ADAM10: variants seen among roughly 807,000 people sequenced by gnomAD.
ADAM10 encodes the protein disintegrin and metalloproteinase domain-containing protein 10.
In ADAM10, 17 loss-of-function variants were observed where a neutral mutation model predicts 90.1. The ratio of observed to expected loss-of-function variants is 0.19; its 90% CI spans 0.13 to 0.28. The LOEUF is 0.28. Ranked by LOEUF, ADAM10 falls within the 10% of genes least tolerant of loss-of-function variation. The probability of loss-of-function intolerance (pLI) is 1.00; values close to 1 mark genes in which losing one functional copy is unlikely to be tolerated. For synonymous variants in ADAM10, 310 were observed against 298.6 expected, an observed-to-expected ratio of 1.04 and a Z score of -0.40; for missense variants, 610 against 914.3, an observed-to-expected ratio of 0.67 and a Z score of 4.29.
intron 2 of ADAM10, among the ~76,000 whole-genome samples, chr15:58,701,169 A>G (rs558000236): frequency 2.6e-5 from 4 of 152,238 alleles, no homozygotes; most frequent in African/African-American, 9.6e-5. Flanking sequence ...AGCCTGTTGA[A>G]TAGAAGAAAA....
intron 4 of ADAM10, among the ~76,000 whole-genome samples, chr15:58,673,415 T>C (rs563450519): frequency 7.8e-4 from 117 of 150,364 alleles, no homozygotes; most frequent in Admixed American, 1.9e-3. Context: ...GCTGCAGCTG[T>C]TTTTTTGACA....
intron 1 of ADAM10, among the ~76,000 whole-genome samples, chr15:58,730,048 A>G (rs1231747534): frequency 5.3e-5 from 8 of 152,208 alleles, no homozygotes; most frequent in Admixed American, 6.5e-5. Context: ...CACATTAGGA[A>G]ATCGTAAGCA....
At chr15:58,673,404 AG>A (rs1897242295) in intron 4 of ADAM10, among the ~76,000 whole-genome samples, 1 of 150,976 alleles carries the variant, frequency 6.6e-6, no homozygotes, top group African/African-American at 2.4e-5. Context: ...AAAAAAAAAA[AG>A]CTGCAGCTGT....
chr15:58,726,069 T>G (rs1397085789), intron 1 of ADAM10, among the ~76,000 whole-genome samples: 2 of 152,140 alleles, frequency 1.3e-5, no homozygotes, highest in Non-Finnish European at 2.9e-5. Context: ...AGCGAATACA[T>G]TTTTTAAACA....
intron 7 of ADAM10, among the ~76,000 whole-genome samples, chr15:58,642,603 G>A (rs1302146618): frequency 1.1e-4 from 17 of 152,042 alleles, no homozygotes; most frequent in African/African-American, 2.9e-4. Flanking sequence ...TTAATAAGAG[G>A]TAAGGTCTAA....
chr15:58,705,926 T>A, intron 2 of ADAM10, among the ~76,000 whole-genome samples: 1 of 152,228 alleles, frequency 6.6e-6, no homozygotes, highest in Non-Finnish European at 1.5e-5. Context: ...CTGTACCTAA[T>A]TTGTAAACTG....
intron 11 of ADAM10, among the ~76,000 whole-genome samples, chr15:58,619,335 G>A (rs150626303): frequency 3.9e-5 from 6 of 152,310 alleles, no homozygotes; most frequent in Non-Finnish European, 8.8e-5. Context: ...GAGAAGGGTA[G>A]TGGAGAGGTG....
intron 1 of ADAM10, among the ~76,000 whole-genome samples, chr15:58,719,375 C>T (rs1271903358): frequency 6.6e-6 from 1 of 151,878 alleles, no homozygotes. Flanking sequence ...TCCTTGTTTC[C>T]TTTCATGCAG....
At chr15:58,615,278 A>C (rs1349390470) in intron 11 of ADAM10, among the ~76,000 whole-genome samples, 2 of 44,202 alleles carry the variant, frequency 4.5e-5, no homozygotes, top group Non-Finnish European at 3.4e-5. Context: ...CGTCTGAAGA[A>C]AAAAAAAAAA....
At chr15:58,721,288 T>C (rs374743734) in intron 1 of ADAM10, among the ~76,000 whole-genome samples, 64 of 152,312 alleles carry the variant, frequency 4.2e-4, no homozygotes, top group African/African-American at 1.4e-3. Flanking sequence ...ACATGATTCA[T>C]AGGGTTTAAT....
intron 10 of ADAM10, among the ~76,000 whole-genome samples, chr15:58,627,017 T>G (rs1169871807): frequency 1.3e-5 from 2 of 152,194 alleles, no homozygotes; most frequent in Admixed American, 1.3e-4. Flanking sequence ...CATAGTAACT[T>G]TATTCACATT....
chr15:58,665,743 G>A (rs1897066254), intron 4 of ADAM10, among the ~76,000 whole-genome samples: 1 of 151,924 alleles, frequency 6.6e-6, no homozygotes, highest in Non-Finnish European at 1.5e-5. Flanking sequence ...TTACGTGACT[G>A]TATCACTGAC....
At chr15:58,680,057 C>T (rs1897387007) in intron 3 of ADAM10, among the ~76,000 whole-genome samples, 1 of 152,106 alleles carries the variant, frequency 6.6e-6, no homozygotes, top group Non-Finnish European at 1.5e-5. Flanking sequence ...CCTTTTCCAT[C>T]CGATATATTG....
intron 14 of ADAM10, among the ~76,000 whole-genome samples, chr15:58,600,497 T>A (rs1438104359): frequency 2.6e-5 from 4 of 152,110 alleles, no homozygotes; most frequent in Admixed American, 1.3e-4. Context: ...ACATTATATA[T>A]AATATCTTTA....
intron 2 of ADAM10, among the ~76,000 whole-genome samples, chr15:58,707,696 C>G (rs1286316933): frequency 3.3e-5 from 5 of 152,168 alleles, no homozygotes; most frequent in African/African-American, 1.2e-4. Flanking sequence ...GTTGATTTAT[C>G]TACTGAAAAG....
chr15:58,694,538 AAAAC>A (rs1231688718), intron 2 of ADAM10, among the ~76,000 whole-genome samples: 4 of 152,112 alleles, frequency 2.6e-5, no homozygotes, highest in Non-Finnish European at 4.4e-5. Context: ...AACCCCATCT[AAAAC>A]AAACAAACAA....
chr15:58,673,364 A>C (rs1897240688), intron 4 of ADAM10, among the ~76,000 whole-genome samples: 1 of 151,048 alleles, frequency 6.6e-6, no homozygotes, highest in African/African-American at 2.4e-5. Flanking sequence ...TATTACTCTT[A>C]ACTGAATACC....
intron 14 of ADAM10, among the ~76,000 whole-genome samples, chr15:58,601,633 C>G (rs1025388886): frequency 6.6e-6 from 1 of 152,094 alleles, no homozygotes. Flanking sequence ...GAAATCAGGG[C>G]TGATACATTA....
intron 4 of ADAM10, among the ~76,000 whole-genome samples, chr15:58,678,738 C>T (rs909046442): frequency 6.6e-6 from 1 of 152,168 alleles, no homozygotes; most frequent in Non-Finnish European, 1.5e-5. Flanking sequence ...TTAAACACTA[C>T]ACAAATATCC....
Sources: gnomAD v4.1 joint callset for allele counts (sites outside exome capture counted in the v4.1 genomes callset) on GRCh38, gnomAD v4.1.1 for gene constraint, MANE v1.5 for transcripts, NCBI Gene and HGNC (gene_info 2026-07-23, HGNC 2026-07-21) for gene names.